Variants in CACNA2D1 observed in about 807,000 individuals in gnomAD.
CACNA2D1 encodes the protein voltage-dependent calcium channel subunit alpha-2/delta-1.
In CACNA2D1, 53 loss-of-function variants were observed where a neutral mutation model predicts 171.5. The ratio of observed to expected loss-of-function variants is 0.31; its 90% CI spans 0.25 to 0.39. CACNA2D1 has a LOEUF of 0.39. Among genes scored for constraint, CACNA2D1 ranks in the 10% least tolerant of loss-of-function variants. The probability of loss-of-function intolerance (pLI) is 1.00; values close to 1 mark genes in which losing one functional copy is unlikely to be tolerated. For synonymous variants in CACNA2D1, 442 were observed against 443.1 expected, an observed-to-expected ratio of 1.00 and a Z score of 0.03; for missense variants, 903 against 1,299.8, an observed-to-expected ratio of 0.69 and a Z score of 4.69.
At chr7:81,988,078 G>A (rs1797157197) in intron 21 of CACNA2D1, among the ~76,000 whole-genome samples, 1 of 152,114 alleles carries the variant, frequency 6.6e-6, no homozygotes, top group Non-Finnish European at 1.5e-5. Context: ...CCTTATAACT[G>A]TAGGAGAGCC....
intron 1 of CACNA2D1, among the ~76,000 whole-genome samples, chr7:82,429,490 T>C (rs1829490764): frequency 6.6e-6 from 1 of 152,086 alleles, no homozygotes; most frequent in African/African-American, 2.4e-5. Context: ...CCAATTTACT[T>C]CACATGTGGA....
At chr7:82,414,090 A>G (rs928569376) in intron 1 of CACNA2D1, among the ~76,000 whole-genome samples, 3 of 152,132 alleles carry the variant, frequency 2.0e-5, no homozygotes, top group Admixed American at 6.5e-5. Flanking sequence ...ATGATGTCCA[A>G]ACTTCATTTC....
chr7:82,098,426 T>C (rs966395596), intron 6 of CACNA2D1, among the ~76,000 whole-genome samples: 2 of 152,172 alleles, frequency 1.3e-5, no homozygotes, highest in African/African-American at 2.4e-5. Flanking sequence ...TTCTAATGCA[T>C]TGTTTTATTT....
At chr7:82,354,184 T>C (rs960222495) in intron 1 of CACNA2D1, among the ~76,000 whole-genome samples, 2 of 152,174 alleles carry the variant, frequency 1.3e-5, no homozygotes, top group Admixed American at 6.5e-5. Context: ...AAACATATAG[T>C]TTTCCATAGG....
chr7:82,099,538 C>T (rs1195894733), intron 6 of CACNA2D1, among the ~76,000 whole-genome samples: 1 of 72,334 alleles, frequency 1.4e-5, no homozygotes, highest in African/African-American at 4.5e-5. Flanking sequence ...CAAGCTCCGC[C>T]TCCCGGGTTC....
intron 3 of CACNA2D1, among the ~76,000 whole-genome samples, chr7:82,202,309 C>CGT (rs983132689): frequency 6.6e-6 from 1 of 152,174 alleles, no homozygotes; most frequent in African/African-American, 2.4e-5. Flanking sequence ...GCCCACCACT[C>CGT]GTTCACCCAC....
intron 36 of CACNA2D1, among the ~76,000 whole-genome samples, chr7:81,960,768 A>G (rs757798514): frequency 1.3e-5 from 2 of 151,634 alleles, no homozygotes; most frequent in Non-Finnish European, 2.9e-5. Context: ...CAATTAATAA[A>G]AGGCCAATGT....
chr7:82,236,536 C>T (rs1803610001), intron 3 of CACNA2D1, among the ~76,000 whole-genome samples: 1 of 152,036 alleles, frequency 6.6e-6, no homozygotes, highest in African/African-American at 2.4e-5. Context: ...CTATTTCTCT[C>T]TTTAGTTTTA....
At chr7:82,238,647 T>C (rs1365471616) in intron 3 of CACNA2D1, among the ~76,000 whole-genome samples, 2 of 152,114 alleles carry the variant, frequency 1.3e-5, no homozygotes, top group African/African-American at 4.8e-5. Context: ...TCAGCCACAT[T>C]CAGTAGTAAC....
chr7:82,258,647 A>C (rs759137624), intron 3 of CACNA2D1, among the ~76,000 whole-genome samples: 17 of 152,124 alleles, frequency 1.1e-4, no homozygotes, highest in Non-Finnish European at 2.2e-4. Flanking sequence ...GCTCTTTTCA[A>C]AGTATTTAAA....
intron 3 of CACNA2D1, among the ~76,000 whole-genome samples, chr7:82,263,966 A>G (rs568704730): frequency 1.2e-4 from 19 of 152,266 alleles, no homozygotes; most frequent in African/African-American, 4.1e-4. Context: ...AATTTGGAAA[A>G]TATTCTAGTT....
chr7:81,999,059 A>T (rs1457493164), intron 18 of CACNA2D1, among the ~76,000 whole-genome samples: 1 of 152,192 alleles, frequency 6.6e-6, no homozygotes, highest in African/African-American at 2.4e-5. Flanking sequence ...AGTAAACAGA[A>T]ATAAGAGTAT....
At chr7:82,064,275 A>G (rs368872075) in intron 9 of CACNA2D1, 29 bp downstream of exon 9, 21 of 1,448,552 alleles carry the variant, frequency 1.4e-5, no homozygotes, top group Middle Eastern at 1.7e-4. Flanking sequence ...TATTCTCAAT[A>G]TATAAATAAG....
chr7:82,251,370 A>C (rs1351745923), intron 3 of CACNA2D1, among the ~76,000 whole-genome samples: 1 of 152,130 alleles, frequency 6.6e-6, no homozygotes, highest in Non-Finnish European at 1.5e-5. Flanking sequence ...AATTATCTAT[A>C]TCTTGATAGT....
At chr7:82,035,124 T>C (rs1803151120) in intron 11 of CACNA2D1, among the ~76,000 whole-genome samples, 1 of 152,118 alleles carries the variant, frequency 6.6e-6, no homozygotes, top group South Asian at 2.1e-4. Context: ...TACTTTAATA[T>C]GGTAGTTTGC....
intron 3 of CACNA2D1, among the ~76,000 whole-genome samples, chr7:82,231,301 TGG>T (rs1802904309): frequency 6.6e-6 from 1 of 152,142 alleles, no homozygotes; most frequent in South Asian, 2.1e-4. Flanking sequence ...CAAGGTGGGA[TGG>T]AGAGAGATCC....
intron 3 of CACNA2D1, among the ~76,000 whole-genome samples, chr7:82,267,997 A>AAAAAC (rs966596114): frequency 1.8e-4 from 27 of 152,308 alleles, no homozygotes; most frequent in African/African-American, 5.5e-4. Flanking sequence ...ACTCCATCTC[A>AAAAAC]AAAACAAAAC....
chr7:82,263,839 A>G (rs1807458453), intron 3 of CACNA2D1, among the ~76,000 whole-genome samples: 1 of 152,218 alleles, frequency 6.6e-6, no homozygotes, highest in Non-Finnish European at 1.5e-5. Flanking sequence ...CAAACAAATT[A>G]GAGAGAAGAT....
chr7:82,213,590 ACC>A lies in CACNA2D1; in HGVS notation c.295-42983_295-42982del, dbSNP rs1309363746. On this transcript the variant is annotated intron_variant, in intron 3 of 38. Coordinates refer to ENST00000356860, the MANE Select transcript of CACNA2D1 (RefSeq NM_000722.4). ...TCAATTAAATAATAGAATAATGCAC[ACC>A]TAAAATACAAATTTGATTATGCCAC... Among the ~76,000 whole-genome samples, 64 of 152,328 alleles carry A rather than the reference ACC, an allele frequency of 4.2e-4. 1 individual carries two copies. The East Asian group carries it at 0.011, about 27-fold the overall frequency.
Sources: gnomAD v4.1 joint callset for allele counts (sites outside exome capture counted in the v4.1 genomes callset) on GRCh38, gnomAD v4.1.1 for gene constraint, MANE v1.5 for transcripts, NCBI Gene and HGNC (gene_info 2026-07-23, HGNC 2026-07-21) for gene names.